Variants in NBAS observed in about 807,000 individuals in gnomAD.
NBAS encodes the protein NBAS subunit of NRZ tethering complex, also known as NAG/BC035112 fusion.
In NBAS, 219 loss-of-function variants were observed where a neutral mutation model predicts 302.5. The ratio of observed to expected loss-of-function variants is 0.72; its 90% CI spans 0.65 to 0.81. The LOEUF (loss-of-function observed/expected upper bound fraction) is 0.81, where lower values mean the gene tolerates loss of function less well. NBAS is among the 30% of genes least tolerant of loss of function. The probability of loss-of-function intolerance (pLI) is 0.00; values close to 1 mark genes in which losing one functional copy is unlikely to be tolerated. For missense variants in NBAS, 2,932 were observed against 2,841.6 expected (o/e 1.03, Z -0.72); for synonymous variants, 1,118 against 1,021.6 (o/e 1.09, Z -1.80).
chr2:14,904,606 G>A, the NBAS span, among the ~76,000 whole-genome samples: 2 of 94,914 alleles, frequency 2.1e-5, no homozygotes, highest in East Asian at 4.4e-4. Context: ...GTCACAGTCA[G>A]CTGTGACTCA....
In NBAS at chr2:15,558,634, G is replaced by T. The variant is rs751406136; in HGVS notation, c.118C>A (p.Pro40Thr). ...GCACCATGTTTTTGGTTGCCTCTAGGCTGGAATTTAAAACAAAAAACACTT... is the reference window on the plus strand; with the variant it reads ...GCACCATGTTTTTGGTTGCCTCTAGTCTGGAATTTAAAACAAAAAACACTT... ...TEWPPETEVQ[P>T]RGNQKHGASF... The change falls in exon 2 of 52, where the codon CCT becomes ACT. Residue 40 changes from proline (P) to threonine (T), a missense_variant and splice_region_variant. Coordinates refer to ENST00000281513, the MANE Select transcript of NBAS (RefSeq NM_015909.4). The T allele has an allele frequency of 2.5e-6, 4 of 1,611,746 alleles. No individual in the cohort carries two copies. In the Admixed American group the frequency reaches 6.7e-5, roughly 27 times the overall value.
intron 23 of NBAS, among the ~76,000 whole-genome samples, chr2:15,418,722 C>T (rs1677063919): frequency 6.6e-6 from 1 of 152,082 alleles, no homozygotes; most frequent in South Asian, 2.1e-4. Context: ...GGAAGGAGAG[C>T]AGCATGGAAT....
the NBAS span, among the ~76,000 whole-genome samples, chr2:14,887,519 G>A: frequency 1.3e-5 from 2 of 152,080 alleles, no homozygotes; most frequent in African/African-American, 4.8e-5. Context: ...ACCAGGAGTA[G>A]CCTGTCCTTT....
At chr2:15,290,164 A>G (rs531588926) in intron 41 of NBAS, among the ~76,000 whole-genome samples, 7 of 152,078 alleles carry the variant, frequency 4.6e-5, no homozygotes, top group African/African-American at 1.4e-4. Context: ...GCAGTGAGAA[A>G]GACAAGGAAG....
chr2:15,191,462 C>T lies in NBAS; in HGVS notation c.6433-1059G>A, dbSNP rs58108826. 3.1e-3 allele frequency among the ~76,000 whole-genome samples: 467 copies of T among 152,292 alleles called. 4 individuals carry two copies. Among genetic ancestry groups the T allele is most frequent in the East Asian group, 0.026 (137 of 5,182 alleles). On this transcript the variant is annotated intron_variant, in intron 48 of 51. Transcript: ENST00000281513. ...CAGTGACCCACCAGATCCTTCAAAACCTGCCTTAAAAGCCCATGTCGTTCT... is the reference window on the plus strand; with the variant it reads ...CAGTGACCCACCAGATCCTTCAAAATCTGCCTTAAAAGCCCATGTCGTTCT...
At chr2:15,061,487 T>C in the NBAS span, among the ~76,000 whole-genome samples, 1 of 152,242 alleles carries the variant, frequency 6.6e-6, no homozygotes, top group Non-Finnish European at 1.5e-5. Flanking sequence ...TCTGCATAAA[T>C]GCATGTGATT....
the NBAS span, among the ~76,000 whole-genome samples, chr2:15,046,306 C>A: frequency 1.3e-5 from 2 of 152,122 alleles, 1 homozygote; most frequent in South Asian, 4.1e-4. Context: ...AGATACAAAT[C>A]TATTCTAACT....
intron 25 of NBAS, 84 bp from the exon 26 acceptor site, chr2:15,402,385 T>C: frequency 7.9e-7 from 1 of 1,268,802 alleles, no homozygotes; most frequent in South Asian, 1.2e-5. Flanking sequence ...GTCAACAGAA[T>C]ATTAAATAGC....
chr2:15,292,007 T>C (rs1484414569), intron 41 of NBAS, among the ~76,000 whole-genome samples: 1 of 152,226 alleles, frequency 6.6e-6, no homozygotes, highest in Non-Finnish European at 1.5e-5. Flanking sequence ...TCTCGCTCTG[T>C]TGCCCAAGCT....
At chr2:14,999,480 T>A in the NBAS span, among the ~76,000 whole-genome samples, 1 of 152,120 alleles carries the variant, frequency 6.6e-6, no homozygotes, top group East Asian at 1.9e-4. Context: ...GGGGGCGGAT[T>A]TCCCCCTTGT....
At chr2:15,073,583 T>C in the NBAS span, among the ~76,000 whole-genome samples, 1 of 152,180 alleles carries the variant, frequency 6.6e-6, no homozygotes, top group African/African-American at 2.4e-5. Flanking sequence ...ACCACAATCT[T>C]GAATTTGTGC....
chr2:14,917,516 C>G, the NBAS span, among the ~76,000 whole-genome samples: 1 of 152,202 alleles, frequency 6.6e-6, no homozygotes, highest in African/African-American at 2.4e-5. Flanking sequence ...TGGTTAGAAG[C>G]AAGTCAAAAG....
chr2:15,319,536 C>T (rs1466301400), intron 38 of NBAS, among the ~76,000 whole-genome samples: 2 of 151,732 alleles, frequency 1.3e-5, no homozygotes, highest in African/African-American at 4.8e-5. Flanking sequence ...AAGAATCAAA[C>T]AGATGCAATA....
At chr2:15,428,903 T>C (rs139185522) in intron 21 of NBAS, among the ~76,000 whole-genome samples, 2,953 of 147,618 alleles carry the variant, frequency 0.02, 67 homozygotes, top group East Asian at 0.063. Context: ...ATTAGCCAGG[T>C]GTGGAGGTGG....
chr2:15,083,120 A>G, the NBAS span, among the ~76,000 whole-genome samples: 6 of 152,236 alleles, frequency 3.9e-5, no homozygotes, highest in African/African-American at 1.2e-4. Context: ...GTGGGACACC[A>G]TGGAGCTCAT....
At chr2:15,376,636 T>C (rs1674756745) in intron 30 of NBAS, among the ~76,000 whole-genome samples, 1 of 152,160 alleles carries the variant, frequency 6.6e-6, no homozygotes, top group African/African-American at 2.4e-5. Flanking sequence ...GAGTTACTTT[T>C]AAGCGTTGCT....
At chr2:14,879,827 G>T in the NBAS span, among the ~76,000 whole-genome samples, 1 of 152,210 alleles carries the variant, frequency 6.6e-6, no homozygotes, top group Non-Finnish European at 1.5e-5. Context: ...TCATAGAAAA[G>T]AGAGTGCATC....
the NBAS span, among the ~76,000 whole-genome samples, chr2:15,156,641 C>T: frequency 1.3e-5 from 2 of 152,096 alleles, no homozygotes; most frequent in Admixed American, 1.3e-4. Context: ...GACCTAACAA[C>T]GTCCCAAAGG....
the NBAS span, among the ~76,000 whole-genome samples, chr2:15,112,299 A>G: frequency 6.6e-6 from 1 of 152,084 alleles, no homozygotes; most frequent in Non-Finnish European, 1.5e-5. Flanking sequence ...ACAAGAGGCA[A>G]CATAAGAGTG....
Sources: allele counts gnomAD v4.1 joint callset (sites outside exome capture counted in the v4.1 genomes callset), GRCh38; gene constraint gnomAD v4.1.1; transcripts MANE v1.5; gene names NCBI Gene and HGNC (gene_info 2026-07-23, HGNC 2026-07-21).